Variants in SYCP1 observed in about 807,000 individuals in gnomAD.
The protein encoded by SYCP1 is synaptonemal complex protein 1.
SYCP1 carries 64 observed loss-of-function variants against 153.1 expected under a neutral mutation model. The observed-to-expected ratio is 0.42, with a 90% CI of 0.34 to 0.51. SYCP1 has a LOEUF of 0.51. Ranked by LOEUF, SYCP1 falls within the 20% of genes least tolerant of loss-of-function variation. The pLI is 0.06. For synonymous variants in SYCP1, 384 were observed against 341.8 expected (o/e 1.12, Z -1.36); for missense variants, 997 against 1,049.0 (o/e 0.95, Z 0.68).
intron 15 of SYCP1, among the ~76,000 whole-genome samples, chr1:114,892,255 T>C (rs1666758513): frequency 6.6e-6 from 1 of 152,154 alleles, no homozygotes; most frequent in Non-Finnish European, 1.5e-5. Context: ...GGGTGATTCC[T>C]ATGCCCCTGA....
Position 114,977,570 on chromosome 1 carries a change from G to A in SYCP1, c.2336G>A (p.Arg779Lys). The A allele has an allele frequency of 6.7e-7, 1 of 1,488,536 alleles. No individual in the cohort carries two copies. The highest frequency in any genetic ancestry group is 2.5e-5 in the East Asian group (1 of 40,064). The allele number at this position is 1,488,536 out of a possible 1,614,324, so 92.2% of individuals were successfully genotyped here. The change falls in exon 28 of 32, where the codon AGA becomes AAA. Residue 779 changes from arginine to lysine, a missense_variant. By Grantham distance (26) the Arg-to-Lys change is conservative. This residue lies in a region of SYCP1 where 712 missense variants were observed against 682.9 expected (regional missense o/e 1.04). Transcript: ENST00000369522. ...TATTTTTAATAGGAAAAACTCAAAA[G>A]AGAGGCAAAAGAAAACACAGCTACT... Reference protein sequence around the residue: ...IEREEKEKLKREAKENTATLK... With the variant: ...IEREEKEKLKKEAKENTATLK...
intron 23 of SYCP1, among the ~76,000 whole-genome samples, chr1:114,934,904 A>G (rs1476914243): frequency 1.3e-5 from 2 of 152,182 alleles, no homozygotes; most frequent in Admixed American, 6.5e-5. Flanking sequence ...CAGATTCATA[A>G]AGCAAGTCCT....
chr1:114,865,612 GCC>G (rs1262116041), intron 8 of SYCP1, among the ~76,000 whole-genome samples: 1 of 152,114 alleles, frequency 6.6e-6, no homozygotes, highest in Non-Finnish European at 1.5e-5. Context: ...CAAAGCTTTT[GCC>G]CCATGCATCT....
chr1:114,924,379 C>A (rs1166482413), intron 21 of SYCP1, among the ~76,000 whole-genome samples: 3 of 152,094 alleles, frequency 2.0e-5, no homozygotes, highest in African/African-American at 7.2e-5. Flanking sequence ...AGTTAGCCAG[C>A]AGGACTACTG....
At chr1:114,914,081 A>G in intron 20 of SYCP1, 36 bp downstream of exon 20, 1 of 1,459,406 alleles carries the variant, frequency 6.9e-7, no homozygotes, top group Non-Finnish European at 9.3e-7. Flanking sequence ...TTGTCTGGCA[A>G]AAGATTTTGA....
intron 9 of SYCP1, among the ~76,000 whole-genome samples, chr1:114,875,309 G>A (rs1217107674): frequency 1.4e-5 from 2 of 144,298 alleles, no homozygotes; most frequent in East Asian, 4.0e-4. Flanking sequence ...CGCCCAGGCT[G>A]GAGTGCAGTG....
chr1:114,921,529 AT>A (rs1221855323), intron 20 of SYCP1, among the ~76,000 whole-genome samples: 1 of 151,876 alleles, frequency 6.6e-6, no homozygotes, highest in Non-Finnish European at 1.5e-5. Context: ...AAATAGAAAA[AT>A]TAGCCGGGTG....
At chr1:114,960,370 G>T (rs534406474) in intron 27 of SYCP1, among the ~76,000 whole-genome samples, 2 of 152,198 alleles carry the variant, frequency 1.3e-5, no homozygotes, top group East Asian at 3.9e-4. Context: ...GTTTTGCCAT[G>T]TTGGCCAGGC....
chr1:114,961,229 TC>T (rs1163219497), intron 27 of SYCP1, among the ~76,000 whole-genome samples: 1 of 152,210 alleles, frequency 6.6e-6, no homozygotes, highest in Non-Finnish European at 1.5e-5. Context: ...CTTATTTGAA[TC>T]TTCTCTTTTC....
chr1:114,921,431 C>A (rs529566716), intron 20 of SYCP1, among the ~76,000 whole-genome samples: 72 of 152,104 alleles, frequency 4.7e-4, no homozygotes, highest in Admixed American at 3.5e-3. Flanking sequence ...GTAATCCCAG[C>A]ACTTTGGGAG....
At chr1:114,859,393 G>A (rs1033148457) in intron 6 of SYCP1, among the ~76,000 whole-genome samples, 3 of 152,158 alleles carry the variant, frequency 2.0e-5, no homozygotes, top group African/African-American at 7.2e-5. Context: ...GGCCGAAACT[G>A]TGTAACTTTA....
intron 15 of SYCP1, 65 bp from the exon 16 acceptor site, chr1:114,895,383 C>CGCATAA (rs1666990287): frequency 1.8e-6 from 2 of 1,090,858 alleles, no homozygotes; most frequent in African/African-American, 3.2e-5. Flanking sequence ...ATGCTTGTTC[C>CGCATAA]TTCTGTCTCT....
intron 30 of SYCP1, among the ~76,000 whole-genome samples, chr1:114,986,637 G>A (rs1673523728): frequency 6.6e-6 from 1 of 151,836 alleles, no homozygotes; most frequent in Non-Finnish European, 1.5e-5. Flanking sequence ...AATTTTCTTA[G>A]CTTATGTAGT....
intron 8 of SYCP1, among the ~76,000 whole-genome samples, chr1:114,861,923 G>A (rs777668903): frequency 4.7e-5 from 7 of 149,460 alleles, no homozygotes; most frequent in East Asian, 2.0e-4. Flanking sequence ...CCTCAGCCTC[G>A]CGAGTAGCTG....
chr1:114,994,032 G>C (rs1280219964), intron 30 of SYCP1, among the ~76,000 whole-genome samples: 1 of 150,578 alleles, frequency 6.6e-6, no homozygotes, highest in African/African-American at 2.4e-5. Context: ...GTTTATCTAT[G>C]TTGTAGCATA....
intron 27 of SYCP1, among the ~76,000 whole-genome samples, chr1:114,955,978 G>C (rs1037820353): frequency 1.3e-5 from 2 of 152,298 alleles, no homozygotes; most frequent in Admixed American, 1.3e-4. Context: ...TCTGCTTGCT[G>C]ATATTGGTTT....
At chr1:114,896,515 T>G (rs1667065793) in intron 16 of SYCP1, among the ~76,000 whole-genome samples, 1 of 152,192 alleles carries the variant, frequency 6.6e-6, no homozygotes, top group Admixed American at 6.5e-5. Flanking sequence ...TGAAATTCAT[T>G]TATTTTTGGT....
chr1:114,891,515 A>G (rs1466034796), intron 15 of SYCP1, among the ~76,000 whole-genome samples: 1 of 152,236 alleles, frequency 6.6e-6, no homozygotes, highest in African/African-American at 2.4e-5. Context: ...AGTACTGCAT[A>G]CCAAGTGAGT....
chr1:114,872,403 A>G (rs763751333), intron 8 of SYCP1, among the ~76,000 whole-genome samples: 13 of 152,080 alleles, frequency 8.5e-5, no homozygotes, highest in Non-Finnish European at 1.8e-4. Context: ...TCTGAGGAGG[A>G]GTCAGATAGA....
Sources: allele counts gnomAD v4.1 joint callset (sites outside exome capture counted in the v4.1 genomes callset), GRCh38; gene constraint gnomAD v4.1.1; regional missense constraint gnomAD v4.1.1; transcripts MANE v1.5; gene names NCBI Gene and HGNC (gene_info 2026-07-23, HGNC 2026-07-21).